Variants in SLC2A13 observed in about 807,000 individuals in gnomAD.
The protein encoded by SLC2A13 is solute carrier family 2 member 13, also known as proton myo-inositol cotransporter.
A neutral mutation model predicts 64.4 loss-of-function variants in SLC2A13; 32 were observed. The ratio of observed to expected loss-of-function variants is 0.50; its 90% confidence interval spans 0.37 to 0.67. The LOEUF is 0.67. Among genes scored for constraint, SLC2A13 ranks in the 30% least tolerant of loss-of-function variants. The probability of loss-of-function intolerance (pLI) is 0.00; values close to 1 mark genes in which losing one functional copy is unlikely to be tolerated. For missense variants in SLC2A13, 743 were observed against 829.2 expected (o/e 0.90, Z 1.28); for synonymous variants, 338 against 327.1 (o/e 1.03, Z -0.36).
intron 1 of SLC2A13, among the ~76,000 whole-genome samples, chr12:40,103,839 T>C (rs952078516): frequency 1.3e-5 from 2 of 152,202 alleles, no homozygotes; most frequent in Non-Finnish European, 2.9e-5. Context: ...TCCACACAAA[T>C]AGGTTTCATT....
intron 7 of SLC2A13, among the ~76,000 whole-genome samples, chr12:39,775,526 A>G (rs1330556607): frequency 1.3e-5 from 2 of 152,234 alleles, no homozygotes. Flanking sequence ...GAGTGGTCTA[A>G]GAAAATGTTT....
intron 4 of SLC2A13, among the ~76,000 whole-genome samples, chr12:39,885,909 A>T (rs1435629996): frequency 2.0e-5 from 3 of 152,336 alleles, no homozygotes; most frequent in Non-Finnish European, 4.4e-5. Context: ...ACAACACTTT[A>T]AAAAAGTCAG....
intron 6 of SLC2A13, among the ~76,000 whole-genome samples, chr12:39,852,813 T>G (rs868590866): frequency 6.6e-6 from 1 of 152,210 alleles, no homozygotes; most frequent in Non-Finnish European, 1.5e-5. Flanking sequence ...CGTCTTCATT[T>G]GCATAGCGGT....
At chr12:40,042,311 T>C (rs188243422) in intron 2 of SLC2A13, among the ~76,000 whole-genome samples, 1 of 152,266 alleles carries the variant, frequency 6.6e-6, no homozygotes, top group East Asian at 1.9e-4. Context: ...AGCCCCTCTG[T>C]ATATATACCT....
chr12:39,981,606 C>T (rs1197842912), intron 3 of SLC2A13, among the ~76,000 whole-genome samples: 2 of 151,628 alleles, frequency 1.3e-5, no homozygotes, highest in East Asian at 1.9e-4. Flanking sequence ...GACACATACA[C>T]TCTCCCAAGA....
rs189891853 is a variant in SLC2A13, at chr12:39,998,236, T to C, written c.925+30065A>G. On this transcript the variant is annotated intron_variant, in intron 3 of 9. Transcript: ENST00000280871. ...TAAATTAGTGGCATTCACAGCAACC[T>C]GCAGGAGACTGGAAACTATTATTCT... Among the ~76,000 whole-genome samples the C allele has an allele frequency of 1.4e-3, 212 of 152,346 alleles. 2 individuals carry two copies. Among genetic ancestry groups the C allele is most frequent in the African/African-American group, 4.9e-3 (202 of 41,578 alleles).
Position 40,064,885 on chromosome 12 carries a change from G to T in SLC2A13, c.557-16675C>A, listed in dbSNP as rs182121410. On this transcript the variant is annotated intron_variant, in intron 1 of 9. Transcript: ENST00000280871. ...CAAATAAAAATTCAATCTAAAAATT[G>T]ATCATTTCAAAGAAAAATTATTTTT... Among the ~76,000 whole-genome samples, 209 of 152,096 alleles carry T rather than the reference G, an allele frequency of 1.4e-3. 1 individual carries two copies. Among genetic ancestry groups the T allele is most frequent in the African/African-American group, 4.8e-3 (199 of 41,506 alleles).
At chr12:39,975,083 G>A in intron 3 of SLC2A13, among the ~76,000 whole-genome samples, 1 of 152,164 alleles carries the variant, frequency 6.6e-6, no homozygotes, top group South Asian at 2.1e-4. Context: ...GCTAGGCCTG[G>A]AAAGGGCTGA....
chr12:39,904,996 T>C (rs960833175), intron 4 of SLC2A13, among the ~76,000 whole-genome samples: 1 of 152,102 alleles, frequency 6.6e-6, no homozygotes, highest in African/African-American at 2.4e-5. Context: ...GTAGAATGGC[T>C]GCTTCAGTTG....
At chr12:39,985,051 A>G (rs1160689559) in intron 3 of SLC2A13, among the ~76,000 whole-genome samples, 1 of 152,158 alleles carries the variant, frequency 6.6e-6, no homozygotes, top group Non-Finnish European at 1.5e-5. Context: ...TTACTCACAC[A>G]TATGGGGGAG....
rs369795635 is a variant in SLC2A13 at position 39,781,335 on chromosome 12, C to T, written c.1446-16477G>A. 1.0e-3 allele frequency among the ~76,000 whole-genome samples: 156 copies of T among 152,200 alleles called. 1 individual carries two copies. In the South Asian group the frequency reaches 0.031, roughly 31 times the overall value. On this transcript the variant is annotated intron_variant, in intron 7 of 9. Transcript: ENST00000280871. ...ATCATGTCACACCTACTGTCACACC[C>T]AGTCTCCTAAAAAGAGCCCAGCTTC...
chr12:39,977,848 C>CA (rs1396674919), intron 3 of SLC2A13, among the ~76,000 whole-genome samples: 11 of 152,244 alleles, frequency 7.2e-5, no homozygotes, highest in Admixed American at 1.3e-4. Context: ...AGTTGTGGCT[C>CA]AATCCAGGGC....
At chr12:40,100,258 G>A (rs542151195) in intron 1 of SLC2A13, among the ~76,000 whole-genome samples, 16 of 152,278 alleles carry the variant, frequency 1.1e-4, no homozygotes, top group African/African-American at 3.4e-4. Flanking sequence ...AACGAATCCC[G>A]TGCTGTATAA....
intron 3 of SLC2A13, among the ~76,000 whole-genome samples, chr12:39,971,421 T>G (rs1946644213): frequency 6.6e-6 from 1 of 152,196 alleles, no homozygotes; most frequent in African/African-American, 2.4e-5. Context: ...AGGTCTAACA[T>G]TAGAAAAGAA....
chr12:40,045,157 T>C (rs775590413), intron 2 of SLC2A13, among the ~76,000 whole-genome samples: 5 of 152,088 alleles, frequency 3.3e-5, no homozygotes, highest in Admixed American at 6.6e-5. Flanking sequence ...TATTGTAGTA[T>C]AAAATTTAAT....
intron 1 of SLC2A13, among the ~76,000 whole-genome samples, chr12:40,102,730 T>C (rs751919160): frequency 3.3e-5 from 5 of 152,232 alleles, no homozygotes; most frequent in Admixed American, 6.5e-5. Context: ...TTAACCCAGA[T>C]TGTGTACCAA....
intron 4 of SLC2A13, chr12:39,949,660 A>G (rs921715982): frequency 2.6e-5 from 4 of 152,210 alleles, no homozygotes; most frequent in Admixed American, 6.5e-5. Flanking sequence ...AAGTGAAAAC[A>G]AAAAAAGTAC....
At chr12:39,936,127 G>A (rs1034740222) in intron 4 of SLC2A13, among the ~76,000 whole-genome samples, 1 of 152,202 alleles carries the variant, frequency 6.6e-6, no homozygotes, top group Admixed American at 6.6e-5. Flanking sequence ...AGAAAGTTTA[G>A]AGGCAGAGAT....
intron 7 of SLC2A13, among the ~76,000 whole-genome samples, chr12:39,786,220 G>A (rs571723069): frequency 1.2e-4 from 19 of 152,250 alleles, no homozygotes; most frequent in Admixed American, 6.5e-4. Context: ...CCAGGGGGAG[G>A]TAATTGAATC....
Sources: gnomAD v4.1 joint callset for allele counts (sites outside exome capture counted in the v4.1 genomes callset) on GRCh38, gnomAD v4.1.1 for gene constraint, MANE v1.5 for transcripts, NCBI Gene and HGNC (gene_info 2026-07-23, HGNC 2026-07-21) for gene names.